Variants in SYT6 observed in about 807,000 individuals in gnomAD.
The protein encoded by SYT6 is synaptotagmin 6, also known as synaptotagmin-6.
In SYT6, 24 loss-of-function variants were observed where a neutral mutation model predicts 38.4. The ratio of observed to expected loss-of-function variants is 0.62; its 90% CI spans 0.45 to 0.88. The LOEUF is 0.88. Ranked by LOEUF, SYT6 falls within the 40% of genes least tolerant of loss-of-function variation. The pLI is 0.00. For synonymous variants in SYT6, 265 were observed against 241.9 expected, an observed-to-expected ratio of 1.10 and a Z score of -0.89; for missense variants, 611 against 621.0, an observed-to-expected ratio of 0.98 and a Z score of 0.17.
At chr1:114,134,050 G>A (rs758996317) in intron 3 of SYT6, among the ~76,000 whole-genome samples, 22 of 152,320 alleles carry the variant, frequency 1.4e-4, no homozygotes, top group Non-Finnish European at 2.2e-4. Context: ...CAAACTCAAG[G>A]AGCAACACAG....
At chr1:114,125,052 G>T (rs1677643157) in intron 3 of SYT6, among the ~76,000 whole-genome samples, 1 of 152,192 alleles carries the variant, frequency 6.6e-6, no homozygotes, top group African/African-American at 2.4e-5. Flanking sequence ...GTCATCTGAG[G>T]CCTGTTTTTG....
At chr1:114,121,236 G>C (rs910652582) in intron 3 of SYT6, among the ~76,000 whole-genome samples, 1 of 152,316 alleles carries the variant, frequency 6.6e-6, no homozygotes, top group East Asian at 1.9e-4. Flanking sequence ...TTGGTCTTTG[G>C]TGAGAAGGCT....
intron 3 of SYT6, among the ~76,000 whole-genome samples, chr1:114,129,021 C>A (rs1192215749): frequency 2.6e-5 from 4 of 152,192 alleles, no homozygotes; most frequent in Non-Finnish European, 5.9e-5. Context: ...ACTTGGATGT[C>A]CAAAAGGTAT....
chr1:114,099,230 GC>G lies in SYT6; in HGVS notation c.1227del (p.Arg410GlyfsTer3). On this transcript the variant is annotated frameshift_variant, in exon 5 of 8. Transcript: ENST00000610222. LOFTEE classifies it high-confidence loss of function. ...PYVKVSLLCD[G>X]RRLKKKKTTI... ...GTTGTTTTCTTCTTCTTCAGCCTCC[GC>G]CCATCACAGAGCAAGGACACTTTCA... The G allele has an allele frequency of 6.2e-7, 1 of 1,613,654 alleles. No individual in the cohort carries two copies.
chr1:114,118,422 G>A (rs977937767), intron 3 of SYT6, among the ~76,000 whole-genome samples: 3 of 152,242 alleles, frequency 2.0e-5, no homozygotes, highest in East Asian at 1.9e-4. Flanking sequence ...GGGAGAAGCC[G>A]AGGCACTGGA....
At chr1:114,103,168 G>A (rs35984628) in intron 4 of SYT6, among the ~76,000 whole-genome samples, 117 of 152,038 alleles carry the variant, frequency 7.7e-4, no homozygotes, top group Non-Finnish European at 1.3e-3. Flanking sequence ...TGCATAGACC[G>A]GCAAACATTT....
At chr1:114,124,761 G>A (rs12401754) in intron 3 of SYT6, among the ~76,000 whole-genome samples, 37,958 of 152,106 alleles carry the variant, frequency 0.25, 4,936 homozygotes, top group African/African-American at 0.28. Flanking sequence ...CAGGACGCAT[G>A]GAGAGAGCCC....
At chr1:114,102,343 CT>C (rs1029502162) in intron 4 of SYT6, among the ~76,000 whole-genome samples, 11 of 152,194 alleles carry the variant, frequency 7.2e-5, no homozygotes, top group African/African-American at 2.7e-4. Flanking sequence ...GTGTGGGTAG[CT>C]CTGAGGGACT....
intron 1 of SYT6, among the ~76,000 whole-genome samples, chr1:114,143,729 T>C (rs1348592869): frequency 6.6e-6 from 1 of 152,150 alleles, no homozygotes; most frequent in Non-Finnish European, 1.5e-5. Flanking sequence ...TCCTCCTCCA[T>C]TCCTGTGGCT....
chr1:114,121,758 C>T (rs551599799), intron 3 of SYT6, among the ~76,000 whole-genome samples: 1 of 152,304 alleles, frequency 6.6e-6, no homozygotes, highest in East Asian at 1.9e-4. Context: ...AATGGAAATA[C>T]TGATATCTTC....
chr1:114,107,451 G>A (rs1409386179), intron 3 of SYT6, among the ~76,000 whole-genome samples: 1 of 152,182 alleles, frequency 6.6e-6, no homozygotes, highest in Non-Finnish European at 1.5e-5. Context: ...GAAAGGACTG[G>A]CTCAAGATCC....
intron 1 of SYT6, 74 bp downstream of exon 1, chr1:114,153,536 G>A (rs1435584647): frequency 1.2e-5 from 7 of 565,268 alleles, no homozygotes; most frequent in African/African-American, 6.1e-5. Flanking sequence ...GGGGCTCCTG[G>A]GACCGGGGCT....
chr1:114,150,836 C>T (rs1027697171), intron 1 of SYT6, among the ~76,000 whole-genome samples: 4 of 152,072 alleles, frequency 2.6e-5, no homozygotes, highest in African/African-American at 9.7e-5. Flanking sequence ...CAGGTGTTTC[C>T]AAGTCAGGGT....
rs771728042 is a variant in SYT6, at chr1:114,091,673, C to G, written c.*461G>C. 1 of 196,452 alleles carries G rather than the reference C, an allele frequency of 5.1e-6. No individual in the cohort carries two copies. The allele number at this position is 196,452 out of a possible 1,614,324, so 12.2% of individuals were successfully genotyped here. Reference sequence around the variant, plus strand: ...AGCATTTCAGAAACTCAATCCACCTCTTTCCAAAAAACTGTACCTTGTATT... The same window carrying G: ...AGCATTTCAGAAACTCAATCCACCTGTTTCCAAAAAACTGTACCTTGTATT... On this transcript the variant is annotated 3_prime_UTR_variant, in exon 8 of 8. Transcript: ENST00000610222.
chr1:114,109,102 G>A (rs781025584), intron 3 of SYT6, among the ~76,000 whole-genome samples: 1 of 152,168 alleles, frequency 6.6e-6, no homozygotes, highest in African/African-American at 2.4e-5. Context: ...TGTGTTGGGG[G>A]TACAGAGATG....
intron 3 of SYT6, among the ~76,000 whole-genome samples, chr1:114,118,792 G>C (rs1340423965): frequency 6.6e-6 from 1 of 152,178 alleles, no homozygotes; most frequent in Non-Finnish European, 1.5e-5. Flanking sequence ...ACACCAGACA[G>C]AGCCATCTCC....
chr1:114,147,521 T>TG (rs1679216755), intron 1 of SYT6, among the ~76,000 whole-genome samples: 2 of 152,214 alleles, frequency 1.3e-5, no homozygotes, highest in African/African-American at 4.8e-5. Context: ...AAAACAGCTA[T>TG]GGAACTAGGC....
In SYT6 at chr1:114,099,726, C is replaced by T. The variant is rs187399168; in HGVS notation, c.1193-461G>A. ...AAACCAAAGGATAAAGGTTTTGGGGCGGGGTAAAAATAGGACTCAACAATG... is the reference window on the plus strand; with the variant it reads ...AAACCAAAGGATAAAGGTTTTGGGGTGGGGTAAAAATAGGACTCAACAATG... On this transcript the variant is annotated intron_variant, in intron 4 of 7. Coordinates refer to ENST00000610222, the MANE Select transcript of SYT6 (RefSeq NM_001253772.2). Among the ~76,000 whole-genome samples the T allele has an allele frequency of 4.7e-3, 711 of 152,120 alleles. 6 individuals are homozygous for T. The highest frequency in any genetic ancestry group is 6.6e-3 in the Non-Finnish European group (450 of 67,996).
At chr1:114,103,822 T>C in intron 3 of SYT6, 101 bp from the exon 4 acceptor site, 1 of 1,440,656 alleles carries the variant, frequency 6.9e-7, no homozygotes, top group Non-Finnish European at 9.3e-7. Context: ...AGGAGGAGGC[T>C]CTTGGAGACA....
Sources: allele counts gnomAD v4.1 joint callset (sites outside exome capture counted in the v4.1 genomes callset), GRCh38; gene constraint gnomAD v4.1.1; transcripts MANE v1.5; gene names NCBI Gene and HGNC (gene_info 2026-07-23, HGNC 2026-07-21).